TSC22D1: variants seen among roughly 807,000 people sequenced by gnomAD.
The protein encoded by TSC22D1 is TSC22 domain family protein 1.
TSC22D1 carries 9 observed loss-of-function variants against 74.2 expected under a neutral mutation model. That is an observed-to-expected ratio of 0.12 (90% CI 0.07 to 0.21). TSC22D1 has a LOEUF of 0.21. TSC22D1 is among the 10% of genes least tolerant of loss of function. The pLI, the probability that TSC22D1 is intolerant of heterozygous loss-of-function variation, is 1.00. For missense variants in TSC22D1, 1,427 were observed against 1,304.7 expected (o/e 1.09, Z -1.44); for synonymous variants, 586 against 492.5 (o/e 1.19, Z -2.51).
chr13:44,573,588 A>T lies in TSC22D1; in HGVS notation c.2487T>A (p.Ser829Arg). 1 of 1,614,240 alleles carries T rather than the reference A, an allele frequency of 6.2e-7. No individual in the cohort carries two copies. Among genetic ancestry groups the T allele is most frequent in the Non-Finnish European group, 8.5e-7 (1 of 1,180,022 alleles). Residue 829 changes from serine to arginine, a missense_variant, in exon 1 of 3, where the codon AGT becomes AGA. Physicochemically the swap from Ser to Arg is moderately radical, Grantham distance 110 (BLOSUM62 -1). Around this residue, in one of 3 missense-constraint regions of TSC22D1, gnomAD observed 1,343 missense variants for 1,191.5 expected, o/e 1.13. Transcript: ENST00000458659. ...AACTAACCTGACTTGTAACAGAAAT[A>T]CTACTAGCAGAGGGCAAAGAACTAA... ...PAVSSLPSASSISVTSQVSST... is the reference protein window; with the variant it reads ...PAVSSLPSASRISVTSQVSST...
At chr13:44,517,883 A>G (rs1246580244) in intron 1 of TSC22D1, among the ~76,000 whole-genome samples, 3 of 50,548 alleles carry the variant, frequency 5.9e-5, no homozygotes, top group African/African-American at 1.3e-4. Flanking sequence ...TTTTTTTAAC[A>G]AGGTCTCACT....
intron 1 of TSC22D1, among the ~76,000 whole-genome samples, chr13:44,479,006 G>A (rs1209653342): frequency 6.6e-6 from 1 of 151,916 alleles, no homozygotes; most frequent in Non-Finnish European, 1.5e-5. Flanking sequence ...AAGATTATAG[G>A]TCTCTGAATA....
rs1480787781 is a variant in TSC22D1, at chr13:44,434,818, G to T, written c.3030C>A (p.Ile1010=). 6.2e-7 allele frequency: 1 copy of T among 1,613,956 alleles called. No homozygotes were observed. The highest frequency in any genetic ancestry group is 8.5e-7 in the Non-Finnish European group (1 of 1,179,992). ...GGGAATTTTTCTCTATTAGTTCTTT[G>T]ATTTGCTCTTTGAGGACCTCCACTT... is the stretch of plus-strand genomic sequence containing the variant. The part of the protein sequence containing the change: ...REEVEVLKEQ[I]KELIEKNSQL... The change falls in exon 3 of 3, where the codon ATC becomes ATA. Residue 1010 remains isoleucine, a synonymous_variant. Coordinates refer to ENST00000458659, the MANE Select transcript of TSC22D1 (RefSeq NM_183422.4).
intron 1 of TSC22D1, among the ~76,000 whole-genome samples, chr13:44,483,746 A>G (rs946021673): frequency 1.3e-5 from 2 of 152,148 alleles, no homozygotes; most frequent in African/African-American, 4.8e-5. Flanking sequence ...ATATTATTTG[A>G]ATAGCTTAAA....
intron 1 of TSC22D1, among the ~76,000 whole-genome samples, chr13:44,570,605 CAT>C (rs1566182138): frequency 6.6e-6 from 1 of 152,208 alleles, no homozygotes; most frequent in East Asian, 1.9e-4. Context: ...GCACTTTCCA[CAT>C]GTCTAAACAT....
chr13:44,551,391 T>TGG (rs775177585), intron 1 of TSC22D1, among the ~76,000 whole-genome samples: 1,021 of 51,470 alleles, frequency 0.02, 11 homozygotes, highest in South Asian at 0.044. Flanking sequence ...ATCAGATGGG[T>TGG]GTGTGTGTGT....
chr13:44,453,500 C>T (rs934414792), intron 1 of TSC22D1, among the ~76,000 whole-genome samples: 2 of 152,160 alleles, frequency 1.3e-5, no homozygotes, highest in African/African-American at 4.8e-5. Flanking sequence ...GTATTTATTA[C>T]TTGATGCAAT....
intron 1 of TSC22D1, among the ~76,000 whole-genome samples, chr13:44,534,100 T>C (rs186134658): frequency 3.3e-5 from 5 of 151,794 alleles, no homozygotes; most frequent in African/African-American, 9.7e-5. Context: ...TGGTGGTGCA[T>C]ACCTATAGTC....
chr13:44,436,687 TA>T, intron 1 of TSC22D1: 2 of 1,546,468 alleles, frequency 1.3e-6, no homozygotes, highest in Non-Finnish European at 8.7e-7. Context: ...CAGCCTTGTA[TA>T]AGCTAGATAA....
At chr13:44,473,718 A>G (rs1877737837) in intron 1 of TSC22D1, among the ~76,000 whole-genome samples, 1 of 152,148 alleles carries the variant, frequency 6.6e-6, no homozygotes, top group Non-Finnish European at 1.5e-5. Context: ...CAAAAGAACC[A>G]TGCAACTGAT....
chr13:44,512,238 T>C (rs957890097), intron 1 of TSC22D1, among the ~76,000 whole-genome samples: 7 of 152,126 alleles, frequency 4.6e-5, no homozygotes, highest in African/African-American at 1.7e-4. Flanking sequence ...GGCGCTATCT[T>C]GGCTCACTGC....
Position 44,433,040 on chromosome 13 carries a change from T to A in TSC22D1, c.*1586A>T, listed in dbSNP as rs1363695263. The stretch of plus-strand genomic sequence containing the variant: ...AATTATCCCAGGAGCTAGAAACTCA[T>A]CCTACACTAGGAGAAACATCCCAAC... On this transcript the variant is annotated 3_prime_UTR_variant, in exon 3 of 3. Transcript: ENST00000458659. 6.6e-6 allele frequency: 1 copy of A among 152,208 alleles called. No homozygotes were observed. Among genetic ancestry groups the A allele is most frequent in the African/African-American group, 2.4e-5 (1 of 41,450 alleles). The allele number at this position is 152,208 out of a possible 1,614,324, so 9.4% of individuals were successfully genotyped here.
At chr13:44,539,915 A>T (rs1432649019) in intron 1 of TSC22D1, 6 of 1,289,558 alleles carry the variant, frequency 4.7e-6, no homozygotes, top group Middle Eastern at 4.2e-4. Flanking sequence ...CTCTGGTAGG[A>T]GAGAAGCACT....
chr13:44,574,077 T>G lies in TSC22D1; in HGVS notation c.1998A>C (p.Ala666=). The G allele has an allele frequency of 6.2e-7, 1 of 1,614,252 alleles. No individual in the cohort carries two copies. Among genetic ancestry groups the G allele is most frequent in the Admixed American group, 1.7e-5 (1 of 60,034 alleles). The change falls in exon 1 of 3, where the codon GCA becomes GCC. Residue 666 remains alanine, a synonymous_variant. Coordinates refer to ENST00000458659, the MANE Select transcript of TSC22D1 (RefSeq NM_183422.4). The part of the protein sequence containing the change: ...YVQQQPILQT[A]MSSGQPSSAG... ...CAGAACTGGGCTGTCCGGAGGACAT[T>G]GCTGTTTGAAGAATTGGCTGCTGTT...
chr13:44,471,374 C>A (rs956290035), intron 1 of TSC22D1, among the ~76,000 whole-genome samples: 1 of 152,128 alleles, frequency 6.6e-6, no homozygotes, highest in Non-Finnish European at 1.5e-5. Context: ...TGTGGAAATG[C>A]AATTGTGTAG....
intron 1 of TSC22D1, among the ~76,000 whole-genome samples, chr13:44,556,224 TA>T (rs757322742): frequency 8.7e-4 from 125 of 143,010 alleles, no homozygotes; most frequent in African/African-American, 1.1e-3. Flanking sequence ...GTTCTACTGT[TA>T]AAAAAAAAAA....
At chr13:44,466,010 T>C (rs570842133) in intron 1 of TSC22D1, among the ~76,000 whole-genome samples, 2 of 121,788 alleles carry the variant, frequency 1.6e-5, no homozygotes, top group African/African-American at 2.9e-5. Flanking sequence ...AAACAAAACT[T>C]TGCAATTTTT....
intron 1 of TSC22D1, chr13:44,539,114 T>C: frequency 1.0e-6 from 1 of 985,358 alleles, no homozygotes; most frequent in South Asian, 4.7e-5. Context: ...AGGGTTCTTT[T>C]ACCATAAATA....
At position 44,453,230 on chromosome 13, in the gene TSC22D1, G is replaced by A. The variant is rs191901231; in HGVS notation, c.2913-17135C>T. ...TCTGTTAAGCTAATACAACCATAAG[G>A]ATTTTGTTTCAATGCATACTAACAG... is the stretch of plus-strand genomic sequence containing the variant. On this transcript the variant is annotated intron_variant, in intron 1 of 2. Transcript: ENST00000458659. Among the ~76,000 whole-genome samples, 8 of 152,234 alleles carry A rather than the reference G, an allele frequency of 5.3e-5. No homozygotes were observed. The East Asian group carries it at 1.5e-3, about 29-fold the overall frequency.
Sources: allele counts gnomAD v4.1 joint callset (sites outside exome capture counted in the v4.1 genomes callset), GRCh38; gene constraint gnomAD v4.1.1; regional missense constraint gnomAD v4.1.1; transcripts MANE v1.5; gene names NCBI Gene and HGNC (gene_info 2026-07-23, HGNC 2026-07-21).